Variants in GPR171 observed in about 807,000 individuals in gnomAD.
GPR171 encodes G protein-coupled receptor 171, also known as F730001G15Rik.
Under a neutral mutation model 16.7 loss-of-function variants are expected in GPR171, and 14 were observed. The ratio of observed to expected loss-of-function variants is 0.84; its 90% CI spans 0.55 to 1.31. GPR171 has a LOEUF of 1.31. Among genes scored for constraint, GPR171 ranks in the 40% most tolerant of loss-of-function variants. The pLI, the probability that GPR171 is intolerant of heterozygous loss-of-function variation, is 0.00. For synonymous variants in GPR171, 134 were observed against 135.6 expected (o/e 0.99, Z 0.08); for missense variants, 337 against 378.9 (o/e 0.89, Z 0.92).
chr3:151,202,860 T>C (rs1576958004), intron 1 of GPR171, among the ~76,000 whole-genome samples: 1 of 152,226 alleles, frequency 6.6e-6, no homozygotes, highest in East Asian at 1.9e-4. Flanking sequence ...TGAATAGTTA[T>C]GCTCGCTCAG....
Position 151,198,622 on chromosome 3 carries a change from A to G in GPR171, c.765T>C (p.Thr255=). The change falls in exon 3 of 3, where the codon ACT becomes ACC. Residue 255 remains threonine, a synonymous_variant. Transcript: ENST00000309180. ...AGAGTGAAATCCTGGTTGAGCAATC[A>G]GTTATGACTTCTGTCTGGCTGAGGG... The part of the protein sequence containing the change: ...PYTLSQTEVI[T]DCSTRISLFK... 6.2e-7 allele frequency: 1 copy of G among 1,614,022 alleles called. No homozygotes were observed.
At position 151,198,877 on chromosome 3, in the gene GPR171, C is replaced by T. The variant is rs759823437; in HGVS notation, c.510G>A (p.Lys170=). ...GCAAATGCCAATTTCTTCCAAATTC[C>T]TTTTTAAACTCCATACAACCCACAT... ...KSNVGCMEFK[K]EFGRNWHLLT... Residue 170 remains lysine, a synonymous_variant, in exon 3 of 3, where the codon AAG becomes AAA. Coordinates refer to ENST00000309180, the MANE Select transcript of GPR171 (RefSeq NM_013308.4). 2 of 1,613,986 alleles carry T rather than the reference C, an allele frequency of 1.2e-6. No individual in the cohort carries two copies. Among genetic ancestry groups the T allele is most frequent in the South Asian group, 2.2e-5 (2 of 91,086 alleles).
chr3:151,198,556 G>A lies in GPR171; in HGVS notation c.831C>T (p.Asn277=), dbSNP rs1209151975. The part of the protein sequence containing the change: ...KEATLLLAVS[N]LCFDPILYYH... ...AGTACAGGATAGGATCAAAGCACAG[G>A]TTCGACACAGCCAGGAGCAGTGTAG... The change falls in exon 3 of 3, where the codon AAC becomes AAT. Residue 277 remains asparagine (N), a synonymous_variant. Coordinates refer to ENST00000309180, the MANE Select transcript of GPR171 (RefSeq NM_013308.4). The A allele has an allele frequency of 5.0e-6, 8 of 1,613,914 alleles. No homozygotes were observed. The highest frequency in any genetic ancestry group is 1.7e-5 in the Admixed American group (1 of 60,000).
rs767760771 is a variant in GPR171 at position 151,198,899 on chromosome 3, A to G, written c.488T>C (p.Val163Ala). The stretch of plus-strand genomic sequence containing the variant: ...TTCCTTTTTAAACTCCATACAACCC[A>G]CATTTGACTTTTCCTTGATGTCTTT... The part of the protein sequence containing the change: ...PIKDIKEKSN[V>A]GCMEFKKEFG... Residue 163 changes from valine (V) to alanine (A), a missense_variant, in exon 3 of 3, where the codon GTG (valine) becomes GCG (alanine). Coordinates refer to ENST00000309180, the MANE Select transcript of GPR171 (RefSeq NM_013308.4). 2 of 1,614,106 alleles carry G rather than the reference A, an allele frequency of 1.2e-6. No homozygotes were observed. The highest frequency in any genetic ancestry group is 1.7e-6 in the Non-Finnish European group (2 of 1,180,004).
At chr3:151,201,307 C>T (rs1725555531) in intron 1 of GPR171, among the ~76,000 whole-genome samples, 1 of 152,128 alleles carries the variant, frequency 6.6e-6, no homozygotes, top group Admixed American at 6.5e-5. Context: ...ACTTTGCTCT[C>T]AAAGCTTCCA....
rs369126102 is a variant in GPR171 at position 151,199,016 on chromosome 3, C to T, written c.371G>A (p.Arg124Gln). The change falls in exon 3 of 3, where the codon CGA becomes CAA. Residue 124 changes from arginine (R) to glutamine (Q), a missense_variant. By Grantham distance (43) the Arg-to-Gln change is conservative (BLOSUM62 1). Coordinates refer to ENST00000309180, the MANE Select transcript of GPR171 (RefSeq NM_013308.4). Reference protein sequence around the residue: ...LQLTHSCKIYRIQEPGFAKMI... With the variant: ...LQLTHSCKIYQIQEPGFAKMI... The stretch of plus-strand genomic sequence containing the variant: ...TTTGGCAAATCCGGGTTCTTGTATT[C>T]GGTAGATCTTGCAGCTGTGTGTCAG... The T allele has an allele frequency of 8.1e-6, 13 of 1,613,932 alleles. No homozygotes were observed. The African/African-American group carries it at 9.3e-5, about 12-fold the overall frequency.
At chr3:151,201,297 A>G (rs1330529093) in intron 1 of GPR171, among the ~76,000 whole-genome samples, 1 of 152,048 alleles carries the variant, frequency 6.6e-6, no homozygotes, top group Non-Finnish European at 1.5e-5. Flanking sequence ...GTTTAAACCA[A>G]CTTTGCTCTC....
intron 1 of GPR171, among the ~76,000 whole-genome samples, chr3:151,202,160 T>TTG (rs1287236330): frequency 3.3e-5 from 5 of 152,248 alleles, no homozygotes; most frequent in Non-Finnish European, 5.9e-5. Context: ...ACAAATCTGT[T>TTG]TATTTAAAAT....
chr3:151,202,650 A>C (rs1260668354), intron 1 of GPR171, among the ~76,000 whole-genome samples: 2 of 152,234 alleles, frequency 1.3e-5, no homozygotes, highest in African/African-American at 4.8e-5. Context: ...AGCCTGGGTG[A>C]AAAAGCGAGA....
Position 151,199,258 on chromosome 3 carries a change from A to T in GPR171, c.129T>A (p.Asn43Lys). The T allele has an allele frequency of 1.2e-6, 2 of 1,614,082 alleles. No homozygotes were observed. The highest frequency in any genetic ancestry group is 1.7e-6 in the Non-Finnish European group (2 of 1,179,958). The stretch of plus-strand genomic sequence containing the variant: ...AGATGCTCACACACCTGTGATTCGT[A>T]TTCTTCTGTATAAAAGCCCAGGTTG... ...CFATWAFIQK[N>K]TNHRCVSIYL... Residue 43 changes from asparagine to lysine, a missense_variant, in exon 3 of 3, where the codon AAT becomes AAA. Asn to Lys is a moderately conservative substitution (Grantham distance 94). Coordinates refer to ENST00000309180, the MANE Select transcript of GPR171 (RefSeq NM_013308.4).
chr3:151,199,358 A>G lies in GPR171; in HGVS notation c.29T>C (p.Val10Ala), dbSNP rs1725194240. The G allele has an allele frequency of 6.2e-7, 1 of 1,612,362 alleles. No homozygotes were observed. The highest frequency in any genetic ancestry group is 8.5e-7 in the Non-Finnish European group (1 of 1,179,408). The change falls in exon 3 of 3, where the codon GTT becomes GCT. Residue 10 changes from valine to alanine, a missense_variant. Val to Ala is a moderately conservative substitution (Grantham distance 64). Transcript: ENST00000309180. Reference protein sequence around the residue: MTNSSFFCPVYKDLEPFTYF... With the variant: MTNSSFFCPAYKDLEPFTYF... ...CGTGAATGGCTCCAGATCTTTATAA[A>G]CTGGGCAGAAGAACGAACTGTTTGT...
rs769184213 is a variant in GPR171 at position 151,198,535 on chromosome 3, C to T, written c.852G>A (p.Leu284=). ...AVSNLCFDPI[L]YYHLSKAFRS... is the part of the protein sequence containing the mutation. ...GGAATGCTTTTGAGAGGTGATAGTACAGGATAGGATCAAAGCACAGGTTCG... is the reference window on the plus strand; with the variant it reads ...GGAATGCTTTTGAGAGGTGATAGTATAGGATAGGATCAAAGCACAGGTTCG... Residue 284 remains leucine (L), a synonymous_variant, in exon 3 of 3, where the codon CTG becomes CTA. Coordinates refer to ENST00000309180, the MANE Select transcript of GPR171 (RefSeq NM_013308.4). The T allele has an allele frequency of 1.2e-6, 2 of 1,613,808 alleles. No homozygotes were observed. Among genetic ancestry groups the T allele is most frequent in the African/African-American group, 2.7e-5 (2 of 74,848 alleles).
rs773263911 is a variant in GPR171, at chr3:151,199,350, C to T, written c.37G>A (p.Asp13Asn). 1 of 1,612,818 alleles carries T rather than the reference C, an allele frequency of 6.2e-7. No individual in the cohort carries two copies. Among genetic ancestry groups the T allele is most frequent in the South Asian group, 1.1e-5 (1 of 90,980 alleles). Residue 13 changes from aspartate (D) to asparagine (N), a missense_variant, in exon 3 of 3, where the codon GAT becomes AAT. By Grantham distance (23) the Asp-to-Asn change is conservative. Coordinates refer to ENST00000309180, the MANE Select transcript of GPR171 (RefSeq NM_013308.4). ...AAAAAATACGTGAATGGCTCCAGAT[C>T]TTTATAAACTGGGCAGAAGAACGAA... Reference protein sequence around the residue: ...NSSFFCPVYKDLEPFTYFFYL... With the variant: ...NSSFFCPVYKNLEPFTYFFYL...
At position 151,199,333 on chromosome 3, in the gene GPR171, C is replaced by A. The variant is rs148323443; in HGVS notation, c.54G>T (p.Thr18=). The A allele has an allele frequency of 9.9e-6, 16 of 1,613,160 alleles. No homozygotes were observed. Among genetic ancestry groups the A allele is most frequent in the Non-Finnish European group, 1.4e-5 (16 of 1,179,356 alleles). ...CPVYKDLEPF[T]YFFYLVFLVG... Reference sequence around the variant, plus strand: ...CAAGGAAAACTAAATAAAAAAAATACGTGAATGGCTCCAGATCTTTATAAA... The same window carrying A: ...CAAGGAAAACTAAATAAAAAAAATAAGTGAATGGCTCCAGATCTTTATAAA... The change falls in exon 3 of 3, where the codon ACG becomes ACT. Residue 18 remains threonine (T), a synonymous_variant. Transcript: ENST00000309180.
In GPR171 at chr3:151,202,201, T is replaced by C. The variant is rs146069937; in HGVS notation, c.-143+903A>G. ...CTTATGTAAATTAGAGGTTAAAATA[T>C]TGTATAATAACATCCTGTGTTCTGT... On this transcript the variant is annotated intron_variant, in intron 1 of 2. Transcript: ENST00000309180. Among the ~76,000 whole-genome samples the C allele has an allele frequency of 5.6e-3, 850 of 152,362 alleles. 10 individuals carry two copies. The highest frequency in any genetic ancestry group is 0.02 in the African/African-American group (833 of 41,574).
At position 151,199,432 on chromosome 3, in the gene GPR171, C is replaced by T. The variant is rs370491001; in HGVS notation, c.-46G>A. On this transcript the variant is annotated 5_prime_UTR_variant, in exon 3 of 3. Coordinates refer to ENST00000309180, the MANE Select transcript of GPR171 (RefSeq NM_013308.4). ...ACTGCTTATTGAAAAGAAAAAATTT[C>T]TAAGACTCTGTAAAAGAAACAAGGA... is the stretch of plus-strand genomic sequence containing the variant. 5.9e-6 allele frequency: 9 copies of T among 1,514,896 alleles called. No homozygotes were observed. Among genetic ancestry groups the T allele is most frequent in the African/African-American group, 4.2e-5 (3 of 71,318 alleles). The allele number at this position is 1,514,896 out of a possible 1,614,324, so 93.8% of individuals were successfully genotyped here.
At chr3:151,199,527 C>T in intron 2 of GPR171, 88 bp from the exon 3 acceptor site, 1 of 680,170 alleles carries the variant, frequency 1.5e-6, no homozygotes. Flanking sequence ...ATACCGTTGT[C>T]TTTCCAGTTC....
At chr3:151,202,156 C>G (rs978262322) in intron 1 of GPR171, among the ~76,000 whole-genome samples, 3 of 152,152 alleles carry the variant, frequency 2.0e-5, no homozygotes, top group Admixed American at 1.3e-4. Flanking sequence ...AGAAACAAAT[C>G]TGTTTATTTA....
In GPR171 at chr3:151,199,158, C is replaced by T. The variant is rs758775275; in HGVS notation, c.229G>A (p.Val77Met). The change falls in exon 3 of 3, where the codon GTG (valine) becomes ATG (methionine). Residue 77 changes from valine (V) to methionine (M), a missense_variant. Val to Met is a conservative substitution (Grantham distance 21). Transcript: ENST00000309180. ...AATATCTTCAGCTTCCAAGGTGCCA[C>T]ACCCAAGTCAACAACAATTTTCACT... ...LPVKIVVDLG[V>M]APWKLKIFHC... 6.2e-6 allele frequency: 10 copies of T among 1,614,060 alleles called. No homozygotes were observed. In the Admixed American group the frequency reaches 6.7e-5, roughly 11 times the overall value.
Sources: allele counts gnomAD v4.1 joint callset (sites outside exome capture counted in the v4.1 genomes callset), GRCh38; gene constraint gnomAD v4.1.1; transcripts MANE v1.5; gene names NCBI Gene and HGNC (gene_info 2026-07-23, HGNC 2026-07-21).